PTGES3: variants seen among roughly 807,000 people sequenced by gnomAD.
The protein encoded by PTGES3 is prostaglandin E synthase 3.
In PTGES3, 5 loss-of-function variants were observed where a neutral mutation model predicts 29.9. The observed-to-expected ratio is 0.17, with a 90% confidence interval of 0.09 to 0.35. The LOEUF is 0.35. Among genes scored for constraint, PTGES3 ranks in the 10% least tolerant of loss-of-function variants. PTGES3 has a pLI of 1.00. For missense variants in PTGES3, 128 were observed against 190.0 expected (o/e 0.67, Z 1.92); for synonymous variants, 49 against 57.8 (o/e 0.85, Z 0.69).
chr12:56,674,621 T>C (rs933486075), intron 1 of PTGES3, among the ~76,000 whole-genome samples: 50 of 151,564 alleles, frequency 3.3e-4, no homozygotes, highest in African/African-American at 1.2e-3. Flanking sequence ...TGTCAGGAGA[T>C]TGAGACCATC....
chr12:56,677,436 T>C (rs556949427), intron 1 of PTGES3, among the ~76,000 whole-genome samples: 2 of 152,138 alleles, frequency 1.3e-5, no homozygotes, highest in Non-Finnish European at 2.9e-5. Context: ...AAGGAGTAAC[T>C]AGCAGTTGCT....
intron 5 of PTGES3, among the ~76,000 whole-genome samples, chr12:56,668,386 A>G (rs898382257): frequency 4.6e-5 from 7 of 152,244 alleles, no homozygotes; most frequent in African/African-American, 1.7e-4. Flanking sequence ...TATGTAAGAG[A>G]TAACAACAAA....
intron 1 of PTGES3, among the ~76,000 whole-genome samples, chr12:56,686,636 C>CA (rs912068815): frequency 1.3e-5 from 2 of 152,128 alleles, no homozygotes; most frequent in East Asian, 1.9e-4. Flanking sequence ...CTCGGCCTCT[C>CA]AGAGTGCTGG....
chr12:56,682,454 G>A (rs1283416797), intron 1 of PTGES3, among the ~76,000 whole-genome samples: 1 of 151,898 alleles, frequency 6.6e-6, no homozygotes, highest in East Asian at 1.9e-4. Context: ...CCCAACTACT[G>A]GGGGACCAAG....
intron 1 of PTGES3, among the ~76,000 whole-genome samples, chr12:56,686,628 C>T (rs776557950): frequency 5.3e-5 from 8 of 152,006 alleles, no homozygotes; most frequent in Non-Finnish European, 1.0e-4. Context: ...CCGCCCGCCT[C>T]GGCCTCTCAG....
intron 5 of PTGES3, among the ~76,000 whole-genome samples, chr12:56,666,571 T>A (rs930588063): frequency 1.3e-5 from 2 of 152,192 alleles, no homozygotes; most frequent in South Asian, 2.1e-4. Context: ...AGGAAAAGAA[T>A]GGGATTCATT....
chr12:56,677,817 C>A (rs1348931793), intron 1 of PTGES3, among the ~76,000 whole-genome samples: 1 of 152,112 alleles, frequency 6.6e-6, no homozygotes, highest in South Asian at 2.1e-4. Context: ...TGCTTAGTGT[C>A]TTGGCTTATG....
intron 1 of PTGES3, chr12:56,687,182 G>A (rs1952914456): frequency 3.8e-6 from 4 of 1,049,094 alleles, no homozygotes; most frequent in African/African-American, 1.6e-5. Flanking sequence ...TGGGACGACT[G>A]TAGGTTAATT....
chr12:56,670,902 T>A (rs1951976133), intron 4 of PTGES3, among the ~76,000 whole-genome samples: 2 of 151,996 alleles, frequency 1.3e-5, no homozygotes. Context: ...CCTTCAGGAG[T>A]TCGAGACAGC....
In PTGES3 at chr12:56,664,288, T is replaced by C. The variant is rs1009550967; in HGVS notation, c.*191A>G. ...GGTTATTGCCTTAGCTGACTTAAAA[T>C]TGCCCCATACAATGGTACATATCAA... On this transcript the variant is annotated 3_prime_UTR_variant, in exon 8 of 8. Coordinates refer to ENST00000262033, the MANE Select transcript of PTGES3 (RefSeq NM_006601.7). The C allele has an allele frequency of 3.7e-5, 20 of 545,236 alleles. No individual in the cohort carries two copies. Among genetic ancestry groups the C allele is most frequent in the Non-Finnish European group, 5.2e-5 (16 of 306,550 alleles). The allele number at this position is 545,236 out of a possible 1,614,324, so 33.8% of individuals were successfully genotyped here.
intron 1 of PTGES3, among the ~76,000 whole-genome samples, chr12:56,683,877 T>A (rs1465756181): frequency 1.4e-5 from 2 of 147,754 alleles, no homozygotes; most frequent in Non-Finnish European, 3.0e-5. Flanking sequence ...GAGAATGGCG[T>A]GAACCCCAGG....
chr12:56,672,692 C>A, intron 3 of PTGES3, 48 bp downstream of exon 3: 1 of 1,498,668 alleles, frequency 6.7e-7, no homozygotes, highest in South Asian at 1.4e-5. Context: ...CTTGGTATGT[C>A]TGTTTCCTCA....
intron 5 of PTGES3, among the ~76,000 whole-genome samples, chr12:56,668,453 A>G (rs997578084): frequency 1.4e-4 from 22 of 152,346 alleles, no homozygotes; most frequent in Admixed American, 8.5e-4. Context: ...AAACAGTGTT[A>G]TAAGGCTGGG....
At chr12:56,687,031 C>A (rs544008452) in intron 1 of PTGES3, 11 of 324,476 alleles carry the variant, frequency 3.4e-5, no homozygotes, top group East Asian at 3.3e-4. Context: ...AAAAAAAAAA[C>A]CCTGTAAAAC....
At chr12:56,674,629 A>G (rs549203632) in intron 1 of PTGES3, among the ~76,000 whole-genome samples, 19 of 151,962 alleles carry the variant, frequency 1.3e-4, no homozygotes, top group African/African-American at 4.3e-4. Context: ...GATTGAGACC[A>G]TCCTGGCTAA....
intron 1 of PTGES3, among the ~76,000 whole-genome samples, chr12:56,686,518 G>T (rs1036855473): frequency 3.0e-4 from 45 of 152,010 alleles, no homozygotes; most frequent in African/African-American, 1.1e-3. Context: ...GGGATTACAG[G>T]CATGTGCCAC....
intron 6 of PTGES3, chr12:56,665,115 G>C: frequency 1.0e-6 from 1 of 985,256 alleles, no homozygotes; most frequent in Non-Finnish European, 1.2e-6. Flanking sequence ...AAGAAAAATG[G>C]ACTGATAGAA....
At chr12:56,678,066 TGTTTGATACCTAAGAA>T (rs377111228) in intron 1 of PTGES3, among the ~76,000 whole-genome samples, 375 of 149,884 alleles carry the variant, frequency 2.5e-3, no homozygotes, top group African/African-American at 9.2e-3. Context: ...ATAGGCAAGG[TGTTTGATACCTAAGAA>T]GGAAAAACCA....
intron 1 of PTGES3, among the ~76,000 whole-genome samples, chr12:56,673,762 C>T (rs1952101617): frequency 7.0e-6 from 1 of 141,904 alleles, no homozygotes; most frequent in Non-Finnish European, 1.5e-5. Flanking sequence ...CATTGCACTC[C>T]AGCCTGGCAA....
Sources: allele counts gnomAD v4.1 joint callset (sites outside exome capture counted in the v4.1 genomes callset), GRCh38; gene constraint gnomAD v4.1.1; transcripts MANE v1.5; gene names NCBI Gene and HGNC (gene_info 2026-07-23, HGNC 2026-07-21).